The following SUGCT variants were observed in gnomAD, a reference collection of about 807,000 sequenced individuals.
SUGCT encodes the protein succinyl-CoA:glutarate CoA-transferase.
A neutral mutation model predicts 55.0 loss-of-function variants in SUGCT; 41 were observed. The observed-to-expected ratio is 0.74, with a 90% CI of 0.58 to 0.97. The LOEUF is 0.97. Ranked by LOEUF, SUGCT falls within the 50% of genes least tolerant of loss-of-function variation. The pLI, the probability that SUGCT is intolerant of heterozygous loss-of-function variation, is 0.00. For synonymous variants in SUGCT, 187 were observed against 200.4 expected, an observed-to-expected ratio of 0.93 and a Z score of 0.56; for missense variants, 568 against 547.8, an observed-to-expected ratio of 1.04 and a Z score of -0.37.
Position 40,357,562 on chromosome 7 carries a change from AACT to A in SUGCT, c.816+40711_816+40713del, listed in dbSNP as rs143403639. On this transcript the variant is annotated intron_variant, in intron 9 of 13. Coordinates refer to ENST00000335693, the MANE Select transcript of SUGCT (RefSeq NM_001193313.2). The stretch of plus-strand genomic sequence containing the variant: ...GAATGCGACATGTGGTCTCGGTCAC[AACT>A]ACTCACTTCTGCTGATGTAGGGCAA... 6.6e-5 allele frequency among the ~76,000 whole-genome samples: 10 copies of A among 152,348 alleles called. No homozygotes were observed. The East Asian group carries it at 1.9e-3, about 29-fold the overall frequency.
chr7:40,189,841 G>C (rs1289944639), intron 5 of SUGCT, among the ~76,000 whole-genome samples: 1 of 151,996 alleles, frequency 6.6e-6, no homozygotes, highest in East Asian at 1.9e-4. Flanking sequence ...AGCAAATCCT[G>C]GGCTTGGGCA....
chr7:40,835,800 C>T (rs1038571955), intron 13 of SUGCT, among the ~76,000 whole-genome samples: 1 of 152,154 alleles, frequency 6.6e-6, no homozygotes, highest in African/African-American at 2.4e-5. Flanking sequence ...TTTCTATCCC[C>T]CAATTGCCAG....
chr7:40,559,264 TC>T (rs1313628527), intron 12 of SUGCT, among the ~76,000 whole-genome samples: 1 of 152,202 alleles, frequency 6.6e-6, no homozygotes, highest in Non-Finnish European at 1.5e-5. Flanking sequence ...GCTGAAATGT[TC>T]CCCTGAAGAG....
chr7:40,850,090 G>A (rs1270377939), intron 13 of SUGCT, among the ~76,000 whole-genome samples: 1 of 152,148 alleles, frequency 6.6e-6, no homozygotes, highest in African/African-American at 2.4e-5. Flanking sequence ...CTGGTCAGAG[G>A]ATGGGGCCTC....
intron 12 of SUGCT, among the ~76,000 whole-genome samples, chr7:40,578,714 C>T (rs1796912609): frequency 6.6e-6 from 1 of 152,160 alleles, no homozygotes; most frequent in African/African-American, 2.4e-5. Flanking sequence ...CTCTTAGGCA[C>T]TCAAGAATGG....
chr7:40,985,312 G>C, the SUGCT span, among the ~76,000 whole-genome samples: 1 of 152,166 alleles, frequency 6.6e-6, no homozygotes, highest in African/African-American at 2.4e-5. Flanking sequence ...TGGGGCTTGG[G>C]ATTGTATCAG....
chr7:40,180,917 T>A, intron 1 of SUGCT, 30 bp from the exon 2 acceptor site: 1 of 1,528,848 alleles, frequency 6.5e-7, no homozygotes. Context: ...ACTAATGAAT[T>A]ATCTTGAAAT....
intron 2 of SUGCT, 115 bp downstream of exon 2, chr7:40,181,113 G>T: frequency 1.3e-6 from 1 of 774,866 alleles, no homozygotes. Flanking sequence ...TTTTAGAGAA[G>T]AAAATAAGAA....
At chr7:40,318,790 T>C (rs946721723) in intron 9 of SUGCT, among the ~76,000 whole-genome samples, 1 of 152,228 alleles carries the variant, frequency 6.6e-6, no homozygotes, top group African/African-American at 2.4e-5. Flanking sequence ...TGGAAGATTC[T>C]CTAGTGTAAT....
the SUGCT span, among the ~76,000 whole-genome samples, chr7:40,946,581 A>G: frequency 4.6e-5 from 7 of 152,208 alleles, no homozygotes; most frequent in South Asian, 1.0e-3. Context: ...TTACTCTTTT[A>G]TTTCATTCTA....
chr7:40,700,120 T>C (rs1312979667), intron 12 of SUGCT, among the ~76,000 whole-genome samples: 1 of 152,122 alleles, frequency 6.6e-6, no homozygotes, highest in Non-Finnish European at 1.5e-5. Flanking sequence ...TTGATAAGTG[T>C]GGGTGGAGAA....
chr7:40,621,950 A>G (rs1799284885), intron 12 of SUGCT, among the ~76,000 whole-genome samples: 1 of 152,162 alleles, frequency 6.6e-6, no homozygotes, highest in South Asian at 2.1e-4. Flanking sequence ...TGTCACAGGC[A>G]TTTGAGGCAA....
chr7:40,179,744 T>C (rs541371493), intron 1 of SUGCT, among the ~76,000 whole-genome samples: 1 of 152,330 alleles, frequency 6.6e-6, no homozygotes, highest in East Asian at 1.9e-4. Flanking sequence ...TCTCTCCATG[T>C]GTTCTTTCAT....
At chr7:40,398,048 T>TG (rs547623412) in intron 9 of SUGCT, among the ~76,000 whole-genome samples, 43 of 152,260 alleles carry the variant, frequency 2.8e-4, no homozygotes, top group African/African-American at 9.6e-4. Flanking sequence ...CAGTGAGGTG[T>TG]GGGGGTCAGA....
chr7:40,410,990 A>C (rs1392456649), intron 9 of SUGCT, among the ~76,000 whole-genome samples: 1 of 152,194 alleles, frequency 6.6e-6, no homozygotes, highest in Non-Finnish European at 1.5e-5. Flanking sequence ...AGATTTAGTT[A>C]GATTTTTATT....
chr7:40,241,376 C>G (rs1464864621), intron 7 of SUGCT, among the ~76,000 whole-genome samples: 1 of 151,144 alleles, frequency 6.6e-6, no homozygotes, highest in East Asian at 2.0e-4. Context: ...GTCAGGAGTT[C>G]AAGACCAGCC....
At chr7:40,267,813 G>A (rs1339219800) in intron 7 of SUGCT, among the ~76,000 whole-genome samples, 1 of 152,106 alleles carries the variant, frequency 6.6e-6, no homozygotes, top group Non-Finnish European at 1.5e-5. Flanking sequence ...CTGGCATTCT[G>A]ACAACTTTTC....
At chr7:41,030,083 C>G in the SUGCT span, among the ~76,000 whole-genome samples, 1 of 152,158 alleles carries the variant, frequency 6.6e-6, no homozygotes, top group Non-Finnish European at 1.5e-5. Context: ...TTTTCATGGC[C>G]TGATAACTCA....
In SUGCT at chr7:40,648,496, C is replaced by T. The variant is rs979642167; in HGVS notation, c.1090-100938C>T. Among the ~76,000 whole-genome samples, 19 of 152,282 alleles carry T rather than the reference C, an allele frequency of 1.2e-4. 2 individuals are homozygous for T. Among genetic ancestry groups the T allele is most frequent in the Admixed American group, 1.2e-3 (18 of 15,300 alleles). ...TGAATTGTGTGTTCCCCAAAAGATA[C>T]GTTGAAGTCCTAACCCCTGGCACCT... is the stretch of plus-strand genomic sequence containing the variant. On this transcript the variant is annotated intron_variant, in intron 12 of 13. Transcript: ENST00000335693.
Sources: gnomAD v4.1 joint callset for allele counts (sites outside exome capture counted in the v4.1 genomes callset) on GRCh38, gnomAD v4.1.1 for gene constraint, MANE v1.5 for transcripts, NCBI Gene and HGNC (gene_info 2026-07-23, HGNC 2026-07-21) for gene names.